NPRL2: variants seen among roughly 807,000 people sequenced by gnomAD.
NPRL2 encodes GATOR1 complex protein NPRL2.
Under a neutral mutation model 51.1 loss-of-function variants are expected in NPRL2, and 21 were observed. The observed-to-expected ratio is 0.41, with a 90% confidence interval of 0.29 to 0.59. NPRL2 has a LOEUF of 0.59. Ranked by LOEUF, NPRL2 falls within the 20% of genes least tolerant of loss-of-function variation. The probability of loss-of-function intolerance (pLI) is 0.29; values close to 1 mark genes in which losing one functional copy is unlikely to be tolerated. For missense variants in NPRL2, 376 were observed against 483.4 expected (o/e 0.78, Z 2.08); for synonymous variants, 175 against 187.8 (o/e 0.93, Z 0.56).
At position 50,348,790 on chromosome 3, in the gene NPRL2, G is replaced by C. The variant is rs761567536; in HGVS notation, c.586-8C>G. 1 of 1,613,946 alleles carries C rather than the reference G, an allele frequency of 6.2e-7. No individual in the cohort carries two copies. Among genetic ancestry groups the C allele is most frequent in the Non-Finnish European group, 8.5e-7 (1 of 1,180,038 alleles). The stretch of plus-strand genomic sequence containing the variant: ...ATCAATGTAGGGCAGGATCTGGGCA[G>C]AGTGGGACAAGGTCAGAAGAAACAG... On this transcript the variant is annotated splice_polypyrimidine_tract_variant and splice_region_variant and intron_variant, in intron 5 of 10. Transcript: ENST00000232501. The surrounding 1 kb of genome is among the most constrained non-coding windows in gnomAD (Gnocchi z 5.8).
chr3:50,348,344 C>A lies in NPRL2; in HGVS notation c.787G>T (p.Ala263Ser), dbSNP rs749973161. ...TGCTTGGTCACGTAGGATAGACATG[C>A]CTCTTGCAGGGACTTGTCATCTACC... The part of the protein sequence containing the change: ...DLVDDKSLQE[A>S]CLSYVTKQGH... The change falls in exon 8 of 11, where the codon GCA becomes TCA. Residue 263 changes from alanine (A) to serine (S), a missense_variant. By Grantham distance (99) the Ala-to-Ser change is moderately conservative. Transcript: ENST00000232501. This position sits in a 1 kb window ranked among gnomAD's most constrained non-coding sequence, Gnocchi z 5.8. 1 of 1,613,946 alleles carries A rather than the reference C, an allele frequency of 6.2e-7. No individual in the cohort carries two copies. Among genetic ancestry groups the A allele is most frequent in the Non-Finnish European group, 8.5e-7 (1 of 1,180,032 alleles).
rs757443796 is a variant in NPRL2, at chr3:50,349,261, C to G, written c.448+125G>C. On this transcript the variant is annotated intron_variant, in intron 4 of 10. Coordinates refer to ENST00000232501, the MANE Select transcript of NPRL2 (RefSeq NM_006545.5). This position sits in a 1 kb window ranked among gnomAD's most constrained non-coding sequence, Gnocchi z 4.6. ...TGCATTGGACCCTGGACATGGGCAC[C>G]TCAGCCCATGGCTATTTCCTGCCCA... 7 of 939,318 alleles carry G rather than the reference C, an allele frequency of 7.5e-6. No individual in the cohort carries two copies. Among genetic ancestry groups the G allele is most frequent in the Non-Finnish European group, 1.1e-5 (7 of 609,688 alleles). 58.2% of individuals were successfully genotyped at this position (939,318 alleles called of 1,614,324 possible).
Position 50,349,425 on chromosome 3 carries a change from C to T in NPRL2, c.409G>A (p.Glu137Lys), listed in dbSNP as rs1464289278. ...CACCGGCCTGAGGCATTTAGCTCCTCCAGCAAGATGGTCATGATGGGCACC... is the reference window on the plus strand; with the variant it reads ...CACCGGCCTGAGGCATTTAGCTCCTTCAGCAAGATGGTCATGATGGGCACC... ...KLVPIMTILL[E>K]ELNASGRCTL... is the part of the protein sequence containing the mutation. Residue 137 changes from glutamate (E) to lysine (K), a missense_variant, in exon 4 of 11, where the codon GAG becomes AAG. Glu to Lys is a moderately conservative substitution (Grantham distance 56). Coordinates refer to ENST00000232501, the MANE Select transcript of NPRL2 (RefSeq NM_006545.5). The surrounding 1 kb of genome is among the most constrained non-coding windows in gnomAD (Gnocchi z 4.6). 11 of 1,613,628 alleles carry T rather than the reference C, an allele frequency of 6.8e-6. No homozygotes were observed. The highest frequency in any genetic ancestry group is 9.3e-6 in the Non-Finnish European group (11 of 1,180,014).
chr3:50,348,311 C>T lies in NPRL2; in HGVS notation c.814+6G>A. ...CAAGATGGCTTCCCCCAGAACCCAC[C>T]ACTACCTTGCTTGGTCACGTAGGAT... On this transcript the variant is annotated splice_donor_region_variant and intron_variant, in intron 8 of 10. Transcript: ENST00000232501. The surrounding 1 kb of genome is among the most constrained non-coding windows in gnomAD (Gnocchi z 5.8). 2 of 1,613,956 alleles carry T rather than the reference C, an allele frequency of 1.2e-6. No homozygotes were observed. The highest frequency in any genetic ancestry group is 8.5e-7 in the Non-Finnish European group (1 of 1,180,022).
chr3:50,348,796 G>T lies in NPRL2; in HGVS notation c.586-14C>A. ...GTAGGGCAGGATCTGGGCAGAGTGG[G>T]ACAAGGTCAGAAGAAACAGGATGAG... On this transcript the variant is annotated splice_polypyrimidine_tract_variant and intron_variant, in intron 5 of 10. Coordinates refer to ENST00000232501, the MANE Select transcript of NPRL2 (RefSeq NM_006545.5). The surrounding 1 kb of genome is among the most constrained non-coding windows in gnomAD (Gnocchi z 5.8). 1 of 1,614,056 alleles carries T rather than the reference G, an allele frequency of 6.2e-7. No homozygotes were observed. Among genetic ancestry groups the T allele is most frequent in the Non-Finnish European group, 8.5e-7 (1 of 1,180,030 alleles).
Position 50,349,250 on chromosome 3 carries a change from G to A in NPRL2, c.448+136C>T. 3 of 884,968 alleles carry A rather than the reference G, an allele frequency of 3.4e-6. No homozygotes were observed. Among genetic ancestry groups the A allele is most frequent in the Non-Finnish European group, 5.3e-6 (3 of 564,974 alleles). 54.8% of individuals were successfully genotyped at this position (884,968 alleles called of 1,614,324 possible). The stretch of plus-strand genomic sequence containing the variant: ...CAGCTCCATCATGCATTGGACCCTG[G>A]ACATGGGCACCTCAGCCCATGGCTA... On this transcript the variant is annotated intron_variant, in intron 4 of 10. Transcript: ENST00000232501. The surrounding 1 kb of genome is among the most constrained non-coding windows in gnomAD (Gnocchi z 4.6).
chr3:50,349,383 T>C lies in NPRL2; in HGVS notation c.448+3A>G. On this transcript the variant is annotated splice_donor_region_variant and intron_variant, in intron 4 of 10. Coordinates refer to ENST00000232501, the MANE Select transcript of NPRL2 (RefSeq NM_006545.5). This position sits in a 1 kb window ranked among gnomAD's most constrained non-coding sequence, Gnocchi z 4.6. ...CTGCTGTCCTTGCAGAGGCTGGCCA[T>C]ACCAATGGGCAGAGTGCACCGGCCT... 6.2e-7 allele frequency: 1 copy of C among 1,601,522 alleles called. No homozygotes were observed. The highest frequency in any genetic ancestry group is 8.5e-7 in the Non-Finnish European group (1 of 1,171,228).
Position 50,348,134 on chromosome 3 carries a change from C to T in NPRL2, c.922G>A (p.Val308Ile). 1 of 1,614,040 alleles carries T rather than the reference C, an allele frequency of 6.2e-7. No individual in the cohort carries two copies. The highest frequency in any genetic ancestry group is 8.5e-7 in the Non-Finnish European group (1 of 1,180,036). Residue 308 changes from valine (V) to isoleucine (I), a missense_variant, in exon 9 of 11, where the codon GTT becomes ATT. Coordinates refer to ENST00000232501, the MANE Select transcript of NPRL2 (RefSeq NM_006545.5). This position sits in a 1 kb window ranked among gnomAD's most constrained non-coding sequence, Gnocchi z 5.8. ...AAATTCTCCTCTGACCGTTCATCAA[C>T]ATGCTGCAGCTGCTGGGGGTGGCGG... Reference protein sequence around the residue: ...IGRHPQQLQHVDERKLIQFGL... With the variant: ...IGRHPQQLQHIDERKLIQFGL...
Position 50,349,345 on chromosome 3 carries a change from C to G in NPRL2, c.448+41G>C. The G allele has an allele frequency of 6.5e-7, 1 of 1,549,722 alleles. No homozygotes were observed. Among genetic ancestry groups the G allele is most frequent in the Non-Finnish European group, 8.9e-7 (1 of 1,122,600 alleles). On this transcript the variant is annotated intron_variant, in intron 4 of 10. Coordinates refer to ENST00000232501, the MANE Select transcript of NPRL2 (RefSeq NM_006545.5). The surrounding 1 kb of genome is among the most constrained non-coding windows in gnomAD (Gnocchi z 4.6). Reference sequence around the variant, plus strand: ...ACTAGCTGGGTTCACTTTCCCATCTCTCCTCTACCCCTCTGCTGTCCTTGC... The same window carrying G: ...ACTAGCTGGGTTCACTTTCCCATCTGTCCTCTACCCCTCTGCTGTCCTTGC...
rs1472908647 is a variant in NPRL2 at position 50,348,663 on chromosome 3, GT to G, written c.683+21del. 1 of 1,613,800 alleles carries G rather than the reference GT, an allele frequency of 6.2e-7. No homozygotes were observed. Among genetic ancestry groups the G allele is most frequent in the Non-Finnish European group, 8.5e-7 (1 of 1,179,940 alleles). On this transcript the variant is annotated intron_variant, in intron 6 of 10. Transcript: ENST00000232501. The surrounding 1 kb of genome is among the most constrained non-coding windows in gnomAD (Gnocchi z 5.8). ...TCCCTGGCTGGTGACCTTGTCCCAG[GT>G]ATGACTGTAGGCCCACTCACAGCAG... is the stretch of plus-strand genomic sequence containing the variant.
rs1248829860 is a variant in NPRL2 at position 50,347,829 on chromosome 3, C to T, written c.1005G>A (p.Arg335=). Residue 335 remains arginine (R), a synonymous_variant, in exon 10 of 11, where the codon CGG becomes CGA. Coordinates refer to ENST00000232501, the MANE Select transcript of NPRL2 (RefSeq NM_006545.5). ...GCCGGGCAGGGTGGCTCTGCTCTTC[C>T]CGAGTCACCCGCACAGGATACTTCT... ...RLQKYPVRVT[R]EEQSHPARLY... is the part of the protein sequence containing the mutation. 1 of 1,614,046 alleles carries T rather than the reference C, an allele frequency of 6.2e-7. No homozygotes were observed. The highest frequency in any genetic ancestry group is 2.2e-5 in the East Asian group (1 of 44,880).
chr3:50,349,407 C>G lies in NPRL2; in HGVS notation c.427G>C (p.Gly143Arg). The G allele has an allele frequency of 6.2e-7, 1 of 1,613,694 alleles. No homozygotes were observed. Among genetic ancestry groups the G allele is most frequent in the South Asian group, 1.1e-5 (1 of 91,084 alleles). ...ATACCAATGGGCAGAGTGCACCGGCCTGAGGCATTTAGCTCCTCCAGCAAG... is the reference window on the plus strand; with the variant it reads ...ATACCAATGGGCAGAGTGCACCGGCGTGAGGCATTTAGCTCCTCCAGCAAG... ...TILLEELNAS[G>R]RCTLPIDESN... The change falls in exon 4 of 11, where the codon GGC becomes CGC. Residue 143 changes from glycine (G) to arginine (R), a missense_variant. Coordinates refer to ENST00000232501, the MANE Select transcript of NPRL2 (RefSeq NM_006545.5). This position sits in a 1 kb window ranked among gnomAD's most constrained non-coding sequence, Gnocchi z 4.6.
In NPRL2 at chr3:50,348,470, C is replaced by T; in HGVS notation, c.720+57G>A. 6.2e-7 allele frequency: 1 copy of T among 1,613,700 alleles called. No individual in the cohort carries two copies. The highest frequency in any genetic ancestry group is 8.5e-7 in the Non-Finnish European group (1 of 1,179,764). Reference sequence around the variant, plus strand: ...AGGGGCTTGGGAAGCTGACACAGCCCTGGTCTGGTCCAGCCACATGATCCA... The same window carrying T: ...AGGGGCTTGGGAAGCTGACACAGCCTTGGTCTGGTCCAGCCACATGATCCA... On this transcript the variant is annotated intron_variant, in intron 7 of 10. Transcript: ENST00000232501. This position sits in a 1 kb window ranked among gnomAD's most constrained non-coding sequence, Gnocchi z 5.8.
chr3:50,350,493 G>A lies in NPRL2; in HGVS notation c.78+82C>T. The A allele has an allele frequency of 9.4e-6, 13 of 1,379,782 alleles. No individual in the cohort carries two copies. The highest frequency in any genetic ancestry group is 1.3e-5 in the Non-Finnish European group (13 of 998,482). 85.5% of individuals were successfully genotyped at this position (1,379,782 alleles called of 1,614,324 possible). On this transcript the variant is annotated intron_variant, in intron 1 of 10. Transcript: ENST00000232501. This position sits in a 1 kb window ranked among gnomAD's most constrained non-coding sequence, Gnocchi z 5.7. ...GAAGCAGCATGCCTGCGTGCAGCAC[G>A]GGAAACTACTGCCTTCAGGCAGCCA...
At position 50,349,502 on chromosome 3, in the gene NPRL2, G is replaced by C; in HGVS notation, c.340-8C>G. 1 of 1,613,792 alleles carries C rather than the reference G, an allele frequency of 6.2e-7. No individual in the cohort carries two copies. Among genetic ancestry groups the C allele is most frequent in the South Asian group, 1.1e-5 (1 of 91,066 alleles). On this transcript the variant is annotated splice_polypyrimidine_tract_variant and splice_region_variant and intron_variant, in intron 3 of 10. Transcript: ENST00000232501. The surrounding 1 kb of genome is among the most constrained non-coding windows in gnomAD (Gnocchi z 4.6). ...CACGAAGCTGCTCTCTAGCTAGACA[G>C]AGCATGGAAAGCATGGTGGGCACAT...
In NPRL2 at chr3:50,347,784, G is replaced by A. The variant is rs2109363858; in HGVS notation, c.1050C>T (p.Ser350=). ...CTGTCTTGCAGCAGATCTCGTCATA[G>A]CTGTGGCAGCCTGTATAAAGCCGGG... The part of the protein sequence containing the change: ...HPARLYTGCH[S]YDEICCKTGM... The change falls in exon 10 of 11, where the codon AGC becomes AGT. Residue 350 remains serine, a synonymous_variant. Coordinates refer to ENST00000232501, the MANE Select transcript of NPRL2 (RefSeq NM_006545.5). 6.2e-7 allele frequency: 1 copy of A among 1,613,944 alleles called. No homozygotes were observed. The highest frequency in any genetic ancestry group is 1.3e-5 in the African/African-American group (1 of 75,026).
Position 50,349,163 on chromosome 3 carries a change from A to G in NPRL2, c.449-153T>C. The stretch of plus-strand genomic sequence containing the variant: ...TGGAGTGAGAAACGGAGGCCCACAA[A>G]GGGGAAGGAATTGCCCAAGGGGCAG... On this transcript the variant is annotated intron_variant, in intron 4 of 10. Coordinates refer to ENST00000232501, the MANE Select transcript of NPRL2 (RefSeq NM_006545.5). This position sits in a 1 kb window ranked among gnomAD's most constrained non-coding sequence, Gnocchi z 4.6. 1 of 1,015,024 alleles carries G rather than the reference A, an allele frequency of 9.9e-7. No homozygotes were observed. Among genetic ancestry groups the G allele is most frequent in the Non-Finnish European group, 1.4e-6 (1 of 706,564 alleles). The allele number at this position is 1,015,024 out of a possible 1,614,324, so 62.9% of individuals were successfully genotyped here.
At position 50,349,812 on chromosome 3, in the gene NPRL2, C is replaced by G; in HGVS notation, c.192G>C (p.Leu64=). 2 of 1,612,428 alleles carry G rather than the reference C, an allele frequency of 1.2e-6. No homozygotes were observed. The highest frequency in any genetic ancestry group is 8.5e-7 in the Non-Finnish European group (1 of 1,178,762). ...LITVTAMEKK[L]IGCPVCIEHK... ...GTTCGATGCACACAGGACAGCCGATCAGCTTCTTTTCCATAGCTGTGCTGG... is the reference window on the plus strand; with the variant it reads ...GTTCGATGCACACAGGACAGCCGATGAGCTTCTTTTCCATAGCTGTGCTGG... The change falls in exon 3 of 11, where the codon CTG becomes CTC. Residue 64 remains leucine, a synonymous_variant. Coordinates refer to ENST00000232501, the MANE Select transcript of NPRL2 (RefSeq NM_006545.5). This position sits in a 1 kb window ranked among gnomAD's most constrained non-coding sequence, Gnocchi z 4.6.
In NPRL2 at chr3:50,348,962, G is replaced by A. The variant is rs1413397183; in HGVS notation, c.497C>T (p.Pro166Leu). 5 of 1,613,944 alleles carry A rather than the reference G, an allele frequency of 3.1e-6. No homozygotes were observed. The African/African-American group carries it at 4.0e-5, about 13-fold the overall frequency. The change falls in exon 5 of 11, where the codon CCT becomes CTT. Residue 166 changes from proline (P) to leucine (L), a missense_variant. Pro to Leu is a moderately conservative substitution (Grantham distance 98, BLOSUM62 -3). Transcript: ENST00000232501. This position sits in a 1 kb window ranked among gnomAD's most constrained non-coding sequence, Gnocchi z 5.8. ...TACATCATACTCCTGGGCCACCGGA[G>A]GGTCTGGCCGCTGCTCAATCACCTT... ...HLKVIEQRPD[P>L]PVAQEYDVPV...
Sources: gnomAD v4.1 joint callset for allele counts on GRCh38, gnomAD v4.1.1 for gene constraint, Gnocchi (gnomAD v3.1) non-coding constraint, MANE v1.5 for transcripts, NCBI Gene and HGNC (gene_info 2026-07-23, HGNC 2026-07-21) for gene names.